Variants in PKD1 observed in about 807,000 individuals in gnomAD.
The protein encoded by PKD1 is polycystin 1, transient receptor potential channel interacting, also known as polycystin-1.
In PKD1, 81 loss-of-function variants were observed where a neutral mutation model predicts 361.7. The ratio of observed to expected loss-of-function variants is 0.22; its 90% CI spans 0.19 to 0.27. The LOEUF is 0.27. PKD1 is among the 10% of genes least tolerant of loss of function. PKD1 has a pLI of 1.00. For synonymous variants in PKD1, 3,615 were observed against 2,818.3 expected, an observed-to-expected ratio of 1.28 and a Z score of -8.95; for missense variants, 6,399 against 6,118.3, an observed-to-expected ratio of 1.05 and a Z score of -1.53.
rs376290371 is a variant in PKD1 at position 2,100,569 on chromosome 16, G to A, written c.9398-3C>T. On this transcript the variant is annotated splice_region_variant and splice_polypyrimidine_tract_variant and intron_variant, in intron 26 of 45. Coordinates refer to ENST00000262304, the MANE Select transcript of PKD1 (RefSeq NM_001009944.3). This position sits in a 1 kb window ranked among gnomAD's most constrained non-coding sequence, Gnocchi z 4.4. ...GATGCCCACGTGGGCCGTGGTACCT[G>A]GGAGGCAAGAGGGAGGGGTGGGAGG... 12 of 1,609,196 alleles carry A rather than the reference G, an allele frequency of 7.5e-6. No homozygotes were observed. The African/African-American group carries it at 1.6e-4, about 21-fold the overall frequency.
Position 2,110,757 on chromosome 16 carries a change from G to A in PKD1, c.4410C>T (p.Ser1470=), listed in dbSNP as rs1454844234. The change falls in exon 15 of 46, where the codon AGC becomes AGT. Residue 1470 remains serine, a synonymous_variant. Transcript: ENST00000262304. The stretch of plus-strand genomic sequence containing the variant: ...GCCCAAGGGAGCCATTGACCTTGAT[G>A]CTGGTGACCAGCACGGGCTCCTGCA... The part of the protein sequence containing the change: ...VEVQEPVLVT[S]IKVNGSLGLE... 1.2e-6 allele frequency: 2 copies of A among 1,610,698 alleles called. No individual in the cohort carries two copies. Among genetic ancestry groups the A allele is most frequent in the Admixed American group, 1.7e-5 (1 of 60,020 alleles).
intron 1 of PKD1, among the ~76,000 whole-genome samples, chr16:2,125,967 T>A (rs1373124203): frequency 1.3e-5 from 2 of 151,028 alleles, no homozygotes; most frequent in Non-Finnish European, 3.0e-5. Context: ...CAGGGTCCAG[T>A]GTGTCAATGG....
intron 1 of PKD1, among the ~76,000 whole-genome samples, chr16:2,126,089 G>A (rs1393131654): frequency 3.9e-5 from 6 of 152,174 alleles, no homozygotes; most frequent in Non-Finnish European, 7.4e-5. Flanking sequence ...CACAGATCCA[G>A]CGGGGCAGCC....
At chr16:2,112,034 GTAGCAGCACTGAGGGC>G (rs1357117989) in intron 14 of PKD1, among the ~76,000 whole-genome samples, 163 bp from the exon 15 acceptor site, 2 of 152,248 alleles carry the variant, frequency 1.3e-5, no homozygotes, top group African/African-American at 4.8e-5. Flanking sequence ...GAGCACAGGT[GTAGCAGCACTGAGGGC>G]TGCCTGGCGA....
intron 38 of PKD1, 40 bp from the exon 39 acceptor site, chr16:2,092,632 C>T (rs773379869): frequency 7.2e-7 from 1 of 1,393,916 alleles, no homozygotes; most frequent in African/African-American, 1.4e-5. Flanking sequence ...CCCTACTGCC[C>T]CATGCCCGCC....
Position 2,109,990 on chromosome 16 carries a change from G to C in PKD1, c.5177C>G (p.Ser1726Cys). Residue 1726 changes from serine (S) to cysteine (C), a missense_variant, in exon 15 of 46, where the codon TCC becomes TGC. Coordinates refer to ENST00000262304, the MANE Select transcript of PKD1 (RefSeq NM_001009944.3). ...TGTGTTGACGGCAGCTGGGTTCGGG[G>C]AGGCGGCCACCATCAGCCACCCCAC... ...EPVGWLMVAASPNPAAVNTSV... is the reference protein window; with the variant it reads ...EPVGWLMVAACPNPAAVNTSV... 1 of 1,610,028 alleles carries C rather than the reference G, an allele frequency of 6.2e-7. No individual in the cohort carries two copies. The highest frequency in any genetic ancestry group is 8.5e-7 in the Non-Finnish European group (1 of 1,179,500).
Position 2,099,842 on chromosome 16 carries a change from C to CG in PKD1, c.9923+18dup, listed in dbSNP as rs2092017621. 6.4e-7 allele frequency: 1 copy of CG among 1,561,038 alleles called. No individual in the cohort carries two copies. The highest frequency in any genetic ancestry group is 8.7e-7 in the Non-Finnish European group (1 of 1,153,984). ...AGGGCTGGGCAGGAAGAGGCTGCCC[C>CG]GACCCCTACGGCACCCACCTGTAGG... is the stretch of plus-strand genomic sequence containing the variant. On this transcript the variant is annotated intron_variant, in intron 29 of 45. Transcript: ENST00000262304.
chr16:2,119,158 C>A lies in PKD1; in HGVS notation c.315G>T (p.Thr105=), dbSNP rs771238925. Residue 105 remains threonine (T), a synonymous_variant, in exon 3 of 46, where the codon ACG becomes ACT. Coordinates refer to ENST00000262304, the MANE Select transcript of PKD1 (RefSeq NM_001009944.3). ...ELDISNNKIS[T]LEEGIFANLF... ...AATTAGCAAATATTCCTTCTTCTAACGTAGAAATCTTGTTGTTGCTTATAT... is the reference window on the plus strand; with the variant it reads ...AATTAGCAAATATTCCTTCTTCTAAAGTAGAAATCTTGTTGTTGCTTATAT... The A allele has an allele frequency of 6.6e-7, 1 of 1,509,176 alleles. No homozygotes were observed. The highest frequency in any genetic ancestry group is 1.1e-5 in the South Asian group (1 of 88,666). The allele number at this position is 1,509,176 out of a possible 1,614,324, so 93.5% of individuals were successfully genotyped here. A position where few individuals can be genotyped will look rare whatever the true frequency, so the allele number is the denominator to read the frequency against.
In PKD1 at chr16:2,108,641, G is replaced by A. The variant is rs746489969; in HGVS notation, c.6526C>T (p.Arg2176Cys). Residue 2176 changes from arginine to cysteine, a missense_variant, in exon 15 of 46, where the codon CGC becomes TGC. Coordinates refer to ENST00000262304, the MANE Select transcript of PKD1 (RefSeq NM_001009944.3). ...TCAGTCTGGTAGGTGACGCAGTCGC[G>A]CAGGTCAACGTGGGCCTCCAAGTAG... ...RNYLEAHVDL[R>C]DCVTYQTEYR... is the part of the protein sequence containing the mutation. 3.6e-5 allele frequency: 56 copies of A among 1,561,138 alleles called. No individual in the cohort carries two copies. Among genetic ancestry groups the A allele is most frequent in the African/African-American group, 1.1e-4 (8 of 73,878 alleles).
chr16:2,124,405 G>A (rs567377444), intron 1 of PKD1, among the ~76,000 whole-genome samples: 1 of 152,380 alleles, frequency 6.6e-6, no homozygotes, highest in East Asian at 1.9e-4. Context: ...CAGTTGGCGC[G>A]AGGGTGGGTG....
chr16:2,093,843 G>C lies in PKD1; in HGVS notation c.10789C>G (p.Leu3597Val). 6.4e-7 allele frequency: 1 copy of C among 1,563,952 alleles called. No homozygotes were observed. Among genetic ancestry groups the C allele is most frequent in the Non-Finnish European group, 8.6e-7 (1 of 1,160,382 alleles). The change falls in exon 36 of 46, where the codon CTG (leucine) becomes GTG (valine). Residue 3597 changes from leucine to valine, a missense_variant. Physicochemically the swap from Leu to Val is conservative, Grantham distance 32 (BLOSUM62 1). Coordinates refer to ENST00000262304, the MANE Select transcript of PKD1 (RefSeq NM_001009944.3). ...AWLLSSSASF[L>V]ASFLGWEPLK... ...GGCTCCCAGCCGAGGAATGAGGCCAGGAAGCTGGCGCTGCTGGACAGGAGC... is the reference window on the plus strand; with the variant it reads ...GGCTCCCAGCCGAGGAATGAGGCCACGAAGCTGGCGCTGCTGGACAGGAGC...
chr16:2,119,061 A>G, intron 3 of PKD1, 53 bp downstream of exon 3: 1 of 1,031,330 alleles, frequency 9.7e-7, no homozygotes, highest in South Asian at 1.3e-5. Context: ...GGCAGAAGGG[A>G]TATTGGGGGC....
intron 13 of PKD1, 150 bp from the exon 14 acceptor site, chr16:2,112,623 C>T (rs111910022): frequency 1.5e-5 from 15 of 1,009,088 alleles, no homozygotes; most frequent in African/African-American, 8.0e-5. Flanking sequence ...AGGCCTCTCC[C>T]GGCTCCCGTG....
rs373958724 is a variant in PKD1 at position 2,110,394 on chromosome 16, G to T, written c.4773C>A (p.Ile1591=). ...SWVLCDRCTP[I]PGGPTISYTF... Reference sequence around the variant, plus strand: ...TGTAAGAGATGGTAGGACCCCCAGGGATGGGCGTGCAGCGGTCACAGAGCA... The same window carrying T: ...TGTAAGAGATGGTAGGACCCCCAGGTATGGGCGTGCAGCGGTCACAGAGCA... Residue 1591 remains isoleucine, a synonymous_variant, in exon 15 of 46, where the codon ATC becomes ATA. Transcript: ENST00000262304. 6.2e-7 allele frequency: 1 copy of T among 1,612,494 alleles called. No homozygotes were observed. The highest frequency in any genetic ancestry group is 1.3e-5 in the African/African-American group (1 of 74,926).
chr16:2,088,880 C>T lies in PKD1; in HGVS notation c.*847G>A, dbSNP rs562044040. The T allele has an allele frequency of 7.6e-4, 358 of 474,110 alleles. 2 individuals carry two copies. The highest frequency in any genetic ancestry group is 3.0e-3 in the South Asian group (140 of 46,980). The allele number at this position is 474,110 out of a possible 1,614,324, so 29.4% of individuals were successfully genotyped here. A position where few individuals can be genotyped will look rare whatever the true frequency, so the allele number is the denominator to read the frequency against. Reference sequence around the variant, plus strand: ...TACAGCACACTCGCGCGTGCGCGCGCGCACACACACACACACACAGTCACC... The same window carrying T: ...TACAGCACACTCGCGCGTGCGCGCGTGCACACACACACACACACAGTCACC... On this transcript the variant is annotated 3_prime_UTR_variant, in exon 46 of 46. Coordinates refer to ENST00000262304, the MANE Select transcript of PKD1 (RefSeq NM_001009944.3).
Position 2,111,518 on chromosome 16 carries a change from C to T in PKD1, c.3649G>A (p.Val1217Met), listed in dbSNP as rs149472570. The change falls in exon 15 of 46, where the codon GTG becomes ATG. Residue 1217 changes from valine (V) to methionine (M), a missense_variant. Val to Met is a conservative substitution (Grantham distance 21). Coordinates refer to ENST00000262304, the MANE Select transcript of PKD1 (RefSeq NM_001009944.3). ...RVFEELRGLS[V>M]DMSLAVEQGA... The stretch of plus-strand genomic sequence containing the variant: ...TGCTCCACGGCCAGGCTCATGTCCA[C>T]GCTGAGTCCGCGGAGCTCCTCAAAG... 1.7e-4 allele frequency: 278 copies of T among 1,608,332 alleles called. No homozygotes were observed. Among genetic ancestry groups the T allele is most frequent in the Middle Eastern group, 1.7e-4 (1 of 5,826 alleles).
At position 2,114,515 on chromosome 16, in the gene PKD1, G is replaced by A. The variant is rs552150020; in HGVS notation, c.2508C>T (p.Leu836=). The change falls in exon 11 of 46, where the codon CTC becomes CTT. Residue 836 remains leucine, a synonymous_variant. Coordinates refer to ENST00000262304, the MANE Select transcript of PKD1 (RefSeq NM_001009944.3). ...AGGCTGAGCCGTTGGTGGGCACGTAGAGGCGGCCGTCGCGGGGGGCAGGGT... is the reference window on the plus strand; with the variant it reads ...AGGCTGAGCCGTTGGTGGGCACGTAAAGGCGGCCGTCGCGGGGGGCAGGGT... ...VIYPAPRDGR[L]YVPTNGSALV... is the part of the protein sequence containing the mutation. The A allele has an allele frequency of 1.9e-6, 3 of 1,595,112 alleles. No individual in the cohort carries two copies. The highest frequency in any genetic ancestry group is 2.7e-5 in the African/African-American group (2 of 74,958).
At position 2,106,522 on chromosome 16, in the gene PKD1, G is replaced by A. The variant is rs758896718; in HGVS notation, c.7365C>T (p.Gly2455=). ...GGATGGAGGCGCAGCCCTCCTCCTCGCCAGAGCGGCCCAGCACCGTGAGCG... is the reference window on the plus strand; with the variant it reads ...GGATGGAGGCGCAGCCCTCCTCCTCACCAGAGCGGCCCAGCACCGTGAGCG... ...TFTLTVLGRS[G]EEEGCASIRL... Residue 2455 remains glycine, a synonymous_variant, in exon 18 of 46, where the codon GGC becomes GGT. Coordinates refer to ENST00000262304, the MANE Select transcript of PKD1 (RefSeq NM_001009944.3). The surrounding 1 kb of genome is among the most constrained non-coding windows in gnomAD (Gnocchi z 6.5). 8.8e-6 allele frequency: 14 copies of A among 1,595,732 alleles called. No individual in the cohort carries two copies. The highest frequency in any genetic ancestry group is 3.3e-5 in the Admixed American group (2 of 59,878).
At chr16:2,091,951 G>T in intron 40 of PKD1, 45 bp from the exon 41 acceptor site, 1 of 1,611,654 alleles carries the variant, frequency 6.2e-7, no homozygotes. Context: ...AGCCCTTCCG[G>T]CACCCCGGAG....
Sources: gnomAD v4.1 joint callset for allele counts (sites outside exome capture counted in the v4.1 genomes callset) on GRCh38, gnomAD v4.1.1 for gene constraint, Gnocchi (gnomAD v3.1) non-coding constraint, MANE v1.5 for transcripts, NCBI Gene and HGNC (gene_info 2026-07-23, HGNC 2026-07-21) for gene names.